Variants in SYTL3 observed in about 807,000 individuals in gnomAD.
SYTL3 encodes synaptotagmin-like protein 3.
Under a neutral mutation model 82.1 loss-of-function variants are expected in SYTL3, and 88 were observed. The ratio of observed to expected loss-of-function variants is 1.07; its 90% CI spans 0.90 to 1.28. The LOEUF is 1.28. SYTL3 is among the 50% of genes most tolerant of loss of function. SYTL3 has a pLI of 0.00. For missense variants in SYTL3, 831 were observed against 757.6 expected, an observed-to-expected ratio of 1.10 and a Z score of -1.14; for synonymous variants, 311 against 289.4, an observed-to-expected ratio of 1.07 and a Z score of -0.76.
Position 158,763,438 on chromosome 6 carries a change from A to T in SYTL3, c.1652A>T (p.Glu551Val). 3 of 1,614,174 alleles carry T rather than the reference A, an allele frequency of 1.9e-6. No individual in the cohort carries two copies. Among genetic ancestry groups the T allele is most frequent in the Non-Finnish European group, 2.5e-6 (3 of 1,180,022 alleles). ...TPAQLRQSSL[E>V]LTVWDQALFG... ...GCTCAGCTGAGGCAGTCAAGCTTGG[A>T]GTTAACTGTCTGGGATCAGGCCCTC... is the stretch of plus-strand genomic sequence containing the variant. The change falls in exon 17 of 18, where the codon GAG (glutamate) becomes GTG (valine). Residue 551 changes from glutamate (E) to valine (V), a missense_variant. Physicochemically the swap from Glu to Val is moderately radical, Grantham distance 121 (BLOSUM62 -2). Transcript: ENST00000611299.
Position 158,697,564 on chromosome 6 carries a change from A to C in SYTL3, c.395-9666A>C, listed in dbSNP as rs375895310. On this transcript the variant is annotated intron_variant, in intron 6 of 17. Transcript: ENST00000611299. ...AAATTGGACATCATCAAAATGAAAA[A>C]CTTTTGTGCATCAAAGGACACTATT... is the stretch of plus-strand genomic sequence containing the variant. Among the ~76,000 whole-genome samples, 27 of 152,326 alleles carry C rather than the reference A, an allele frequency of 1.8e-4. 1 individual carries two copies. Among genetic ancestry groups the C allele is most frequent in the African/African-American group, 6.0e-4 (25 of 41,576 alleles).
At chr6:158,697,603 G>A (rs1218097413) in intron 6 of SYTL3, among the ~76,000 whole-genome samples, 1 of 152,062 alleles carries the variant, frequency 6.6e-6, no homozygotes, top group African/African-American at 2.4e-5. Flanking sequence ...AAAATAAAAA[G>A]GTAAGCAACA....
At chr6:158,719,088 C>T (rs1562419084) in intron 10 of SYTL3, among the ~76,000 whole-genome samples, 1 of 152,196 alleles carries the variant, frequency 6.6e-6, no homozygotes. Context: ...CTGTTCTGCG[C>T]ACAGCACAAG....
chr6:158,690,490 A>G (rs1010582890), intron 6 of SYTL3, among the ~76,000 whole-genome samples: 1 of 152,222 alleles, frequency 6.6e-6, no homozygotes, highest in East Asian at 1.9e-4. Flanking sequence ...ATCTTATTGG[A>G]TATGTGCAAT....
chr6:158,762,226 C>A, intron 16 of SYTL3, 48 bp downstream of exon 16: 1 of 1,351,656 alleles, frequency 7.4e-7, no homozygotes, highest in Non-Finnish European at 1.1e-6. Flanking sequence ...TAGTATACAT[C>A]ACAACATGGC....
At chr6:158,761,543 C>T (rs549862931) in intron 15 of SYTL3, among the ~76,000 whole-genome samples, 3 of 152,170 alleles carry the variant, frequency 2.0e-5, no homozygotes, top group Admixed American at 2.0e-4. Context: ...CTCCTGACCT[C>T]ATGATCCGCC....
rs1045334019 is a variant in SYTL3 at position 158,713,952 on chromosome 6, G to A, written c.595+74G>A. The A allele has an allele frequency of 4.4e-5, 48 of 1,084,594 alleles. 1 individual carries two copies. The Admixed American group carries it at 7.7e-4, about 18-fold the overall frequency. The allele number at this position is 1,084,594 out of a possible 1,614,324, so 67.2% of individuals were successfully genotyped here. On this transcript the variant is annotated intron_variant, in intron 9 of 17. Transcript: ENST00000611299. Reference sequence around the variant, plus strand: ...CGAGCCCACTGGCCAGGGCCTGGCCGGTGACCTCGGTTGACACTGTCCCTC... The same window carrying A: ...CGAGCCCACTGGCCAGGGCCTGGCCAGTGACCTCGGTTGACACTGTCCCTC...
intron 12 of SYTL3, among the ~76,000 whole-genome samples, chr6:158,751,356 G>C (rs1453870055): frequency 2.6e-5 from 4 of 152,144 alleles, no homozygotes; most frequent in African/African-American, 9.7e-5. Flanking sequence ...AACAGGACAG[G>C]ACATGTCTTC....
intron 11 of SYTL3, among the ~76,000 whole-genome samples, chr6:158,743,077 ACT>A (rs1263825451): frequency 1.3e-5 from 2 of 150,458 alleles, no homozygotes; most frequent in South Asian, 2.1e-4. Context: ...ACTGCTGAAA[ACT>A]CTGCTGAGCT....
At chr6:158,762,029 C>A in intron 15 of SYTL3, 47 bp from the exon 16 acceptor site, 1 of 1,384,864 alleles carries the variant, frequency 7.2e-7, no homozygotes, top group Non-Finnish European at 1.0e-6. Context: ...TGCATACTAA[C>A]GTATCAGGAG....
chr6:158,670,300 C>G (rs1480850096), intron 5 of SYTL3, among the ~76,000 whole-genome samples: 1 of 152,172 alleles, frequency 6.6e-6, no homozygotes, highest in Non-Finnish European at 1.5e-5. Flanking sequence ...TATATCTACC[C>G]TTCAAGTGAG....
At chr6:158,696,161 AG>A (rs1342146654) in intron 6 of SYTL3, among the ~76,000 whole-genome samples, 1 of 152,160 alleles carries the variant, frequency 6.6e-6, no homozygotes, top group Non-Finnish European at 1.5e-5. Flanking sequence ...GCAATGCACA[AG>A]GGTTCCAATT....
At chr6:158,756,735 T>TTTTA (rs1789147988) in intron 13 of SYTL3, among the ~76,000 whole-genome samples, 2 of 147,336 alleles carry the variant, frequency 1.4e-5, no homozygotes, top group Non-Finnish European at 3.0e-5. Context: ...TTTTTTTTTT[T>TTTTA]TTTTTTTTTT....
chr6:158,753,745 A>AT (rs1352357519), intron 13 of SYTL3, among the ~76,000 whole-genome samples: 1 of 151,370 alleles, frequency 6.6e-6, no homozygotes, highest in African/African-American at 2.4e-5. Flanking sequence ...AAAAAAAAAA[A>AT]ATGTAGTTAT....
chr6:158,656,642 G>A (rs1432029740), intron 2 of SYTL3, among the ~76,000 whole-genome samples: 9 of 151,896 alleles, frequency 5.9e-5, no homozygotes, highest in East Asian at 1.9e-4. Flanking sequence ...GGAGAATGGC[G>A]TAAACCCGGG....
rs377079001 is a variant in SYTL3 at position 158,727,329 on chromosome 6, G to A, written c.855+1692G>A. On this transcript the variant is annotated intron_variant, in intron 11 of 17. Coordinates refer to ENST00000611299, the MANE Select transcript of SYTL3 (RefSeq NM_001242394.2). ...TGGGATTACAGGCGCCCACCACCACGTCTGGCTAATTTTTGTATTTTTAGT... is the reference window on the plus strand; with the variant it reads ...TGGGATTACAGGCGCCCACCACCACATCTGGCTAATTTTTGTATTTTTAGT... Among the ~76,000 whole-genome samples, 7 of 151,532 alleles carry A rather than the reference G, an allele frequency of 4.6e-5. No homozygotes were observed. The East Asian group carries it at 5.9e-4, about 13-fold the overall frequency.
chr6:158,673,354 G>GT (rs1221695308), intron 5 of SYTL3, among the ~76,000 whole-genome samples: 1 of 151,712 alleles, frequency 6.6e-6, no homozygotes, highest in Non-Finnish European at 1.5e-5. Flanking sequence ...TTTTATTTCG[G>GT]TTTAACTCAG....
intron 6 of SYTL3, among the ~76,000 whole-genome samples, chr6:158,703,878 C>T (rs529553294): frequency 4.7e-5 from 7 of 149,166 alleles, no homozygotes; most frequent in Non-Finnish European, 1.0e-4. Flanking sequence ...CTCATTCTAT[C>T]TCCCAGGCTG....
At chr6:158,658,265 CTGT>C (rs1788937229) in intron 2 of SYTL3, among the ~76,000 whole-genome samples, 1 of 152,252 alleles carries the variant, frequency 6.6e-6, no homozygotes. Context: ...GAGTTAAATT[CTGT>C]TGTTAATTAA....
Sources: gnomAD v4.1 joint callset for allele counts (sites outside exome capture counted in the v4.1 genomes callset) on GRCh38, gnomAD v4.1.1 for gene constraint, MANE v1.5 for transcripts, NCBI Gene and HGNC (gene_info 2026-07-23, HGNC 2026-07-21) for gene names.